Variants in PCSK6 observed in about 807,000 individuals in gnomAD.
PCSK6 encodes paired basic amino acid cleaving enzyme 4.
PCSK6 carries 85 observed loss-of-function variants against 123.3 expected under a neutral mutation model. The observed-to-expected ratio is 0.69, with a 90% CI of 0.58 to 0.83. The LOEUF (loss-of-function observed/expected upper bound fraction) is 0.83, where lower values mean the gene tolerates loss of function less well. Among genes scored for constraint, PCSK6 ranks in the 40% least tolerant of loss-of-function variants. The pLI is 0.00. For missense variants in PCSK6, 1,191 were observed against 1,282.3 expected, an observed-to-expected ratio of 0.93 and a Z score of 1.09; for synonymous variants, 508 against 516.0, an observed-to-expected ratio of 0.98 and a Z score of 0.21.
intron 6 of PCSK6, among the ~76,000 whole-genome samples, chr15:101,400,118 G>A (rs1036794690): frequency 1.1e-4 from 17 of 152,084 alleles, no homozygotes; most frequent in Admixed American, 1.0e-3. Context: ...TCAAACACCT[G>A]GGCTCAAGCA....
intron 1 of PCSK6, among the ~76,000 whole-genome samples, chr15:101,447,819 C>T (rs369693498): frequency 1.1e-3 from 170 of 152,368 alleles, no homozygotes; most frequent in African/African-American, 3.8e-3. Flanking sequence ...TCATCGACTA[C>T]GCACCGCTTC....
At chr15:101,397,546 TG>T (rs1183541849) in intron 7 of PCSK6, among the ~76,000 whole-genome samples, 1 of 152,084 alleles carries the variant, frequency 6.6e-6, no homozygotes, top group East Asian at 1.9e-4. Context: ...GACTTCCTGC[TG>T]GAACTCCCCT....
chr15:101,371,759 G>C (rs558516495), intron 11 of PCSK6, among the ~76,000 whole-genome samples: 1 of 152,212 alleles, frequency 6.6e-6, no homozygotes, highest in Admixed American at 6.5e-5. Flanking sequence ...ATGGAAGCTC[G>C]CGTGGACCCA....
At chr15:101,467,836 C>T (rs1356657655) in intron 1 of PCSK6, among the ~76,000 whole-genome samples, 1 of 152,156 alleles carries the variant, frequency 6.6e-6, no homozygotes, top group Non-Finnish European at 1.5e-5. Flanking sequence ...TGTCTAAGCA[C>T]ATCTACGCCG....
At chr15:101,349,047 T>G (rs1255548990) in intron 13 of PCSK6, among the ~76,000 whole-genome samples, 1 of 152,246 alleles carries the variant, frequency 6.6e-6, no homozygotes, top group African/African-American at 2.4e-5. Context: ...GATCCTGTCT[T>G]GGCTTCAACT....
chr15:101,450,237 C>T (rs946489770), intron 1 of PCSK6, among the ~76,000 whole-genome samples: 1 of 151,942 alleles, frequency 6.6e-6, no homozygotes, highest in African/African-American at 2.4e-5. Flanking sequence ...ACACTCCCAC[C>T]CTGACTCCTC....
intron 13 of PCSK6, chr15:101,337,400 C>A (rs2040506893): frequency 6.6e-6 from 1 of 152,148 alleles, no homozygotes; most frequent in African/African-American, 2.4e-5. Flanking sequence ...AATTCCATAC[C>A]TATGGCATAA....
chr15:101,363,484 G>A (rs1050946218), intron 13 of PCSK6, among the ~76,000 whole-genome samples: 8 of 152,250 alleles, frequency 5.3e-5, no homozygotes, highest in African/African-American at 1.9e-4. Flanking sequence ...GATGCAGCTG[G>A]CATGAGGAGT....
intron 2 of PCSK6, 149 bp downstream of exon 2, chr15:101,443,407 A>T: frequency 1.7e-6 from 1 of 593,780 alleles, no homozygotes; most frequent in Non-Finnish European, 3.0e-6. Flanking sequence ...AGATGGTCTG[A>T]TTCGTAGCTA....
At chr15:101,440,070 G>A (rs1404708010) in intron 2 of PCSK6, among the ~76,000 whole-genome samples, 2 of 152,212 alleles carry the variant, frequency 1.3e-5, no homozygotes, top group Non-Finnish European at 2.9e-5. Context: ...AAAAATTTGT[G>A]AGCCCTTTCA....
At chr15:101,338,185 AC>A (rs2040526217) in intron 13 of PCSK6, among the ~76,000 whole-genome samples, 2 of 151,906 alleles carry the variant, frequency 1.3e-5, no homozygotes, top group African/African-American at 2.4e-5. Context: ...GATAAGAATC[AC>A]CCCCTCTACA....
chr15:101,461,519 A>G lies in PCSK6; in HGVS notation c.298-17859T>C, dbSNP rs141557020. ...TATCAGGCCAGAATACTTTAATCCT[A>G]AAAACAGACAAGAACAGTATAAGAA... On this transcript the variant is annotated intron_variant, in intron 1 of 21. Transcript: ENST00000611716. 4.3e-3 allele frequency among the ~76,000 whole-genome samples: 657 copies of G among 152,332 alleles called. 7 individuals carry two copies. Among genetic ancestry groups the G allele is most frequent in the African/African-American group, 0.015 (638 of 41,590 alleles).
At position 101,322,506 on chromosome 15, in the gene PCSK6, C is replaced by T. The variant is rs138711600; in HGVS notation, c.2465+14G>A. 3.1e-5 allele frequency: 49 copies of T among 1,585,668 alleles called. No individual in the cohort carries two copies. Among genetic ancestry groups the T allele is most frequent in the South Asian group, 4.4e-5 (4 of 90,224 alleles). On this transcript the variant is annotated intron_variant, in intron 18 of 21. Transcript: ENST00000611716. ...CACCGCCCTGACATTCCTCAGGTTT[C>T]GAGGGGGTTTTACCTGAATCCTTCT...
intron 1 of PCSK6, among the ~76,000 whole-genome samples, chr15:101,459,834 A>G (rs2057299217): frequency 6.6e-6 from 1 of 151,684 alleles, no homozygotes; most frequent in Non-Finnish European, 1.5e-5. Context: ...AGCTGTTTCA[A>G]CCACGTTCTC....
At position 101,356,226 on chromosome 15, in the gene PCSK6, G is replaced by A. The variant is rs529944570; in HGVS notation, c.1858+9970C>T. Reference sequence around the variant, plus strand: ...GCCTGCACCGTTGCCAGCTCCGTTCGTAGCCTTGCAGGCTCTGTGCGTAAC... The same window carrying A: ...GCCTGCACCGTTGCCAGCTCCGTTCATAGCCTTGCAGGCTCTGTGCGTAAC... On this transcript the variant is annotated intron_variant, in intron 13 of 21. Transcript: ENST00000611716. 2.0e-4 allele frequency among the ~76,000 whole-genome samples: 30 copies of A among 152,286 alleles called. 1 individual carries two copies. The South Asian group carries it at 5.6e-3, about 28-fold the overall frequency.
rs147165230 is a variant in PCSK6 at position 101,319,815 on chromosome 15, C to T, written c.2466-1393G>A. On this transcript the variant is annotated intron_variant, in intron 18 of 21. Coordinates refer to ENST00000611716, the MANE Select transcript of PCSK6 (RefSeq NM_002570.5). ...TCCAGCGCTCAACCCTTCCAAACCT[C>T]ACCCTCCGCATCTCTTCATCTGGCT... Among the ~76,000 whole-genome samples, 808 of 152,364 alleles carry T rather than the reference C, an allele frequency of 5.3e-3. 10 individuals are homozygous for T. The highest frequency in any genetic ancestry group is 0.019 in the Admixed American group (286 of 15,306).
At chr15:101,452,578 C>A (rs1436318072) in intron 1 of PCSK6, among the ~76,000 whole-genome samples, 1 of 152,054 alleles carries the variant, frequency 6.6e-6, no homozygotes, top group Non-Finnish European at 1.5e-5. Flanking sequence ...CGGGGTGGCC[C>A]AGAACAAGGC....
In PCSK6 at chr15:101,390,269, A is replaced by G. The variant is rs116280841; in HGVS notation, c.1210-705T>C. Among the ~76,000 whole-genome samples, 425 of 152,196 alleles carry G rather than the reference A, an allele frequency of 2.8e-3. 30 individuals carry two copies. The highest frequency in any genetic ancestry group is 0.01 in the African/African-American group (415 of 41,434). On this transcript the variant is annotated intron_variant, in intron 8 of 21. Transcript: ENST00000611716. ...CTGGACCTCACTACCACTCAGGCTG[A>G]CGTGTATCTCCCGTTGGACTCAAAC...
At chr15:101,411,159 G>C (rs1431735921) in intron 6 of PCSK6, among the ~76,000 whole-genome samples, 1 of 152,228 alleles carries the variant, frequency 6.6e-6, no homozygotes, top group African/African-American at 2.4e-5. Flanking sequence ...TCAGGTAGCA[G>C]CAGGAGGCGG....
Sources: gnomAD v4.1 joint callset for allele counts (sites outside exome capture counted in the v4.1 genomes callset) on GRCh38, gnomAD v4.1.1 for gene constraint, MANE v1.5 for transcripts, NCBI Gene and HGNC (gene_info 2026-07-23, HGNC 2026-07-21) for gene names.